SLC1A1: variants seen among roughly 807,000 people sequenced by gnomAD.
SLC1A1 encodes the protein excitatory amino acid transporter 3.
In SLC1A1, 43 loss-of-function variants were observed where a neutral mutation model predicts 53.3. That is an observed-to-expected ratio of 0.81 (90% CI 0.63 to 1.04). The LOEUF is 1.04. SLC1A1 is among the 50% of genes least tolerant of loss of function. SLC1A1 has a pLI of 0.00. For synonymous variants in SLC1A1, 307 were observed against 243.2 expected, an observed-to-expected ratio of 1.26 and a Z score of -2.44; for missense variants, 748 against 664.9, an observed-to-expected ratio of 1.12 and a Z score of -1.37.
At chr9:4,582,886 G>GC (rs1821231725) in intron 10 of SLC1A1, 152 bp from the exon 11 acceptor site, 2 of 978,760 alleles carry the variant, frequency 2.0e-6, no homozygotes, top group East Asian at 4.8e-5. Context: ...ATGAGGCAGA[G>GC]CTGGGGCTCA....
At chr9:4,566,736 G>T (rs1285924033) in intron 5 of SLC1A1, among the ~76,000 whole-genome samples, 1 of 151,970 alleles carries the variant, frequency 6.6e-6, no homozygotes, top group Non-Finnish European at 1.5e-5. Context: ...CCCATTGCTG[G>T]AGCTCTACAA....
At chr9:4,496,829 C>T (rs1021980943) in intron 1 of SLC1A1, among the ~76,000 whole-genome samples, 1 of 152,078 alleles carries the variant, frequency 6.6e-6, no homozygotes, top group East Asian at 1.9e-4. Flanking sequence ...GCCAGGAGTT[C>T]CAGGCTGCAG....
chr9:4,584,122 G>A (rs1218706343), intron 11 of SLC1A1, among the ~76,000 whole-genome samples: 1 of 152,200 alleles, frequency 6.6e-6, no homozygotes, highest in Non-Finnish European at 1.5e-5. Context: ...GGCTCACTGG[G>A]GAGTCCAGTG....
At chr9:4,557,831 T>G (rs1818565070) in intron 2 of SLC1A1, among the ~76,000 whole-genome samples, 5 of 152,034 alleles carry the variant, frequency 3.3e-5, no homozygotes, top group Admixed American at 6.6e-5. Flanking sequence ...CAATATGGAA[T>G]AGTGGTTAAG....
intron 1 of SLC1A1, among the ~76,000 whole-genome samples, chr9:4,511,468 G>C (rs1447040181): frequency 6.6e-6 from 1 of 151,802 alleles, no homozygotes; most frequent in Non-Finnish European, 1.5e-5. Context: ...TTGATGATTA[G>C]GTTTCAAAAT....
chr9:4,518,392 G>A (rs1815940845), intron 1 of SLC1A1, among the ~76,000 whole-genome samples: 2 of 150,960 alleles, frequency 1.3e-5, no homozygotes, highest in Admixed American at 6.6e-5. Flanking sequence ...TTTGAGATAA[G>A]GTCTCACTCT....
intron 2 of SLC1A1, among the ~76,000 whole-genome samples, chr9:4,555,731 T>C (rs1818312855): frequency 6.6e-6 from 1 of 152,184 alleles, no homozygotes; most frequent in Admixed American, 6.5e-5. Flanking sequence ...CTTCTTTTTC[T>C]GCCCAATTCA....
intron 1 of SLC1A1, among the ~76,000 whole-genome samples, chr9:4,528,358 G>A (rs1462558155): frequency 1.3e-5 from 2 of 152,146 alleles, no homozygotes; most frequent in Non-Finnish European, 2.9e-5. Context: ...AGATCACGGG[G>A]TCAGGAGATC....
chr9:4,550,510 C>G (rs989495991), intron 2 of SLC1A1, among the ~76,000 whole-genome samples: 6 of 152,136 alleles, frequency 3.9e-5, no homozygotes, highest in African/African-American at 1.4e-4. Context: ...TCCACCTAAG[C>G]CTTCCTAGTG....
intron 1 of SLC1A1, among the ~76,000 whole-genome samples, chr9:4,536,354 A>AAAC (rs1554679194): frequency 0.14 from 20,938 of 151,780 alleles, 1,685 homozygotes; most frequent in African/African-American, 0.2. Context: ...ACAAGAAAAA[A>AAAC]AAACAGCCCC....
chr9:4,522,578 A>G (rs1268058565), intron 1 of SLC1A1, among the ~76,000 whole-genome samples: 1 of 152,158 alleles, frequency 6.6e-6, no homozygotes, highest in African/African-American at 2.4e-5. Context: ...ATAAAGAAAT[A>G]CCGGAGACTG....
intron 1 of SLC1A1, among the ~76,000 whole-genome samples, chr9:4,527,089 G>A (rs185116618): frequency 6.6e-6 from 1 of 152,326 alleles, no homozygotes; most frequent in Admixed American, 6.5e-5. Flanking sequence ...CCACTGTGTT[G>A]TCAGAGGGCC....
At chr9:4,558,331 T>G (rs1818619070) in intron 2 of SLC1A1, among the ~76,000 whole-genome samples, 1 of 151,970 alleles carries the variant, frequency 6.6e-6, no homozygotes, top group Non-Finnish European at 1.5e-5. Flanking sequence ...AACTATAGAG[T>G]GGTAACTATA....
chr9:4,530,098 T>G (rs1360235624), intron 1 of SLC1A1, among the ~76,000 whole-genome samples: 2 of 152,188 alleles, frequency 1.3e-5, no homozygotes, highest in African/African-American at 4.8e-5. Context: ...ATTACTTCCC[T>G]TATTTTTCTC....
chr9:4,505,406 G>A (rs1820772094), intron 1 of SLC1A1, among the ~76,000 whole-genome samples: 1 of 151,998 alleles, frequency 6.6e-6, no homozygotes, highest in Non-Finnish European at 1.5e-5. Flanking sequence ...CACCTTTTAA[G>A]TTCACAGAAC....
intron 5 of SLC1A1, 43 bp downstream of exon 5, chr9:4,566,132 C>G (rs1819465048): frequency 6.5e-7 from 1 of 1,529,310 alleles, no homozygotes; most frequent in South Asian, 1.1e-5. Flanking sequence ...ACCCTCTTCC[C>G]ATTATCAATT....
At chr9:4,567,895 A>T in intron 6 of SLC1A1, 128 bp downstream of exon 6, 1 of 726,480 alleles carries the variant, frequency 1.4e-6, no homozygotes, top group Non-Finnish European at 2.5e-6. Context: ...GCTAAAATTT[A>T]TGTGTGACCC....
At chr9:4,576,861 A>C (rs1820595756) in intron 10 of SLC1A1, 98 bp downstream of exon 10, 2 of 1,072,614 alleles carry the variant, frequency 1.9e-6, no homozygotes, top group Admixed American at 3.4e-5. Context: ...GCAGTGATGA[A>C]TTCTTTTTCT....
At chr9:4,513,907 G>A (rs1352608992) in intron 1 of SLC1A1, among the ~76,000 whole-genome samples, 2 of 152,144 alleles carry the variant, frequency 1.3e-5, no homozygotes, top group African/African-American at 4.8e-5. Flanking sequence ...ATGAATCTTA[G>A]AGGCATTATA....
Sources: gnomAD v4.1 joint callset for allele counts (sites outside exome capture counted in the v4.1 genomes callset) on GRCh38, gnomAD v4.1.1 for gene constraint, MANE v1.5 for transcripts, NCBI Gene and HGNC (gene_info 2026-07-23, HGNC 2026-07-21) for gene names.